The following MYO10 variants were observed in gnomAD, a reference collection of about 807,000 sequenced individuals.
MYO10 encodes the protein myosin X.
MYO10 carries 133 observed loss-of-function variants against 257.3 expected under a neutral mutation model. The observed-to-expected ratio is 0.52, with a 90% CI of 0.45 to 0.60. The LOEUF is 0.60. Ranked by LOEUF, MYO10 falls within the 20% of genes least tolerant of loss-of-function variation. MYO10 has a pLI of 0.00. For missense variants in MYO10, 2,399 were observed against 2,635.7 expected, an observed-to-expected ratio of 0.91 and a Z score of 1.97; for synonymous variants, 1,104 against 1,028.6, an observed-to-expected ratio of 1.07 and a Z score of -1.40.
In MYO10 at chr5:16,701,367, G is replaced by A; in HGVS notation, c.3028C>T (p.Pro1010Ser). Residue 1010 changes from proline (P) to serine (S), a missense_variant, in exon 25 of 41, where the codon CCC becomes TCC. Physicochemically the swap from Pro to Ser is moderately conservative, Grantham distance 74. This residue lies in a region of MYO10 where 1,820 missense variants were observed against 1,939.4 expected (regional missense o/e 0.94). Transcript: ENST00000513610. This position sits in a 1 kb window ranked among gnomAD's most constrained non-coding sequence, Gnocchi z 8.1. ...TGGTCTGAGTGGCCGTGCTCGCTGG[G>A]GTTGGGGGAGTCCTTGAAGGCGTCG... Reference protein sequence around the residue: ...DDDAFKDSPNPSEHGHSDQRT... With the variant: ...DDDAFKDSPNSSEHGHSDQRT... The A allele has an allele frequency of 6.2e-7, 1 of 1,614,004 alleles. No homozygotes were observed. Among genetic ancestry groups the A allele is most frequent in the South Asian group, 1.1e-5 (1 of 91,072 alleles).
rs1374016834 is a variant in MYO10, at chr5:16,880,286, C to T, written c.22-2579G>A. ...CTTTGTTTGATGAATGAATCTGGGG[C>T]GGGCCAACAGGAATCCCCAGAAGGA... On this transcript the variant is annotated intron_variant, in intron 1 of 40. Transcript: ENST00000513610. 2.0e-5 allele frequency among the ~76,000 whole-genome samples: 3 copies of T among 152,062 alleles called. No individual in the cohort carries two copies. The East Asian group carries it at 5.8e-4, about 29-fold the overall frequency.
chr5:16,697,306 GA>G (rs1261897764), intron 26 of MYO10, among the ~76,000 whole-genome samples: 1 of 150,964 alleles, frequency 6.6e-6, no homozygotes, highest in Non-Finnish European at 1.5e-5. Flanking sequence ...GAAGAAAACA[GA>G]AAAAAAATAT....
chr5:16,779,686 G>A (rs764648945), intron 8 of MYO10, 38 bp from the exon 9 acceptor site: 74 of 1,237,756 alleles, frequency 6.0e-5, no homozygotes, highest in Non-Finnish European at 8.4e-5. Context: ...CAGTTCTCCA[G>A]GACAAGATGA....
intron 2 of MYO10, among the ~76,000 whole-genome samples, chr5:16,850,399 T>G (rs1743766011): frequency 6.6e-6 from 1 of 152,000 alleles, no homozygotes; most frequent in South Asian, 2.1e-4. Context: ...TGCCTCAGCC[T>G]CCCGAGTACC....
intron 37 of MYO10, 145 bp from the exon 38 acceptor site, chr5:16,671,687 G>C (rs933123943): frequency 9.7e-7 from 1 of 1,028,424 alleles, no homozygotes; most frequent in East Asian, 2.6e-5. Flanking sequence ...TGGGGATAGA[G>C]GAATAAACAG....
chr5:16,935,246 C>G (rs1471564677), intron 1 of MYO10, among the ~76,000 whole-genome samples: 1 of 152,132 alleles, frequency 6.6e-6, no homozygotes, highest in South Asian at 2.1e-4. Context: ...TTATCCCAAG[C>G]CTTAAAAGAG....
chr5:16,855,169 T>A (rs1467160264), intron 2 of MYO10, among the ~76,000 whole-genome samples: 8 of 152,210 alleles, frequency 5.3e-5, no homozygotes, highest in Admixed American at 5.2e-4. Flanking sequence ...AAGTAACATC[T>A]GCAAACTATT....
chr5:16,688,405 G>C (rs1737343902), intron 28 of MYO10, among the ~76,000 whole-genome samples: 1 of 152,152 alleles, frequency 6.6e-6, no homozygotes, highest in Admixed American at 6.5e-5. Flanking sequence ...TCTTGGGGCT[G>C]AGAATTGAAG....
chr5:16,935,053 G>A (rs746574639), intron 1 of MYO10, among the ~76,000 whole-genome samples: 2 of 152,264 alleles, frequency 1.3e-5, no homozygotes, highest in East Asian at 1.9e-4. Flanking sequence ...CGATCCCAAA[G>A]GGGGAAAAAG....
At chr5:16,820,945 T>C (rs1742781433) in intron 2 of MYO10, among the ~76,000 whole-genome samples, 1 of 148,008 alleles carries the variant, frequency 6.8e-6, no homozygotes, top group Non-Finnish European at 1.5e-5. Context: ...ATATATTATA[T>C]ATTATACATC....
At chr5:16,826,721 G>T (rs1743012782) in intron 2 of MYO10, among the ~76,000 whole-genome samples, 1 of 152,160 alleles carries the variant, frequency 6.6e-6, no homozygotes, top group South Asian at 2.1e-4. Context: ...GAAGTTGGCT[G>T]GCCTCGTTTA....
chr5:16,666,477 G>A lies in MYO10; in HGVS notation c.*215C>T. ...TGTCCTCTAAGAGTAGTAAAGCTTTGGAAACTGTGCAGACTGTTAAAGTTG... is the reference window on the plus strand; with the variant it reads ...TGTCCTCTAAGAGTAGTAAAGCTTTAGAAACTGTGCAGACTGTTAAAGTTG... On this transcript the variant is annotated 3_prime_UTR_variant, in exon 41 of 41. Coordinates refer to ENST00000513610, the MANE Select transcript of MYO10 (RefSeq NM_012334.3). 1 of 479,362 alleles carries A rather than the reference G, an allele frequency of 2.1e-6. No individual in the cohort carries two copies. The highest frequency in any genetic ancestry group is 3.7e-6 in the Non-Finnish European group (1 of 271,590). The allele number at this position is 479,362 out of a possible 1,614,324, so 29.7% of individuals were successfully genotyped here.
In MYO10 at chr5:16,678,301, C is replaced by T. The variant is rs114287645; in HGVS notation, c.4542+1646G>A. Among the ~76,000 whole-genome samples, 358 of 152,246 alleles carry T rather than the reference C, an allele frequency of 2.4e-3. 2 individuals are homozygous for T. The highest frequency in any genetic ancestry group is 8.2e-3 in the African/African-American group (340 of 41,552). On this transcript the variant is annotated intron_variant, in intron 33 of 40. Transcript: ENST00000513610. ...TGGGCTGGGTGTGGTGGCTCAAGGC[C>T]AGTCCCAGTGGCTCATGCCTGTTAT...
chr5:16,779,870 G>A lies in MYO10; in HGVS notation c.827-222C>T, dbSNP rs137906403. 1.8e-3 allele frequency among the ~76,000 whole-genome samples: 268 copies of A among 152,264 alleles called. 1 individual carries two copies. The highest frequency in any genetic ancestry group is 0.014 in the Middle Eastern group (4 of 294). ...AAATGTTACTGAAAGAACAACTGATGAGGATCCTGTTTGTTTTCTCTTAAA... is the reference window on the plus strand; with the variant it reads ...AAATGTTACTGAAAGAACAACTGATAAGGATCCTGTTTGTTTTCTCTTAAA... On this transcript the variant is annotated intron_variant, in intron 8 of 40. Transcript: ENST00000513610.
chr5:16,680,572 C>A (rs540303266), intron 32 of MYO10, among the ~76,000 whole-genome samples: 1 of 152,160 alleles, frequency 6.6e-6, no homozygotes, highest in Non-Finnish European at 1.5e-5. Flanking sequence ...GTCACCCAAA[C>A]CTGACGCGAA....
chr5:16,895,796 ACACACACT>A (rs1745201044), intron 1 of MYO10, among the ~76,000 whole-genome samples: 1 of 124,448 alleles, frequency 8.0e-6, no homozygotes, highest in South Asian at 2.6e-4. Flanking sequence ...ACACACACAC[ACACACACT>A]CTGCCACCTG....
intron 2 of MYO10, among the ~76,000 whole-genome samples, chr5:16,841,664 T>G (rs1743485073): frequency 6.6e-6 from 1 of 152,226 alleles, no homozygotes; most frequent in Non-Finnish European, 1.5e-5. Context: ...CTTTGTGGTC[T>G]GAGACACTAA....
intron 19 of MYO10, among the ~76,000 whole-genome samples, chr5:16,725,541 T>C (rs1459817097): frequency 6.6e-6 from 1 of 152,164 alleles, no homozygotes; most frequent in Non-Finnish European, 1.5e-5. Context: ...AATCAGTCCA[T>C]GATGATAAAA....
At chr5:16,870,749 G>A (rs1428791491) in intron 2 of MYO10, among the ~76,000 whole-genome samples, 6 of 151,968 alleles carry the variant, frequency 3.9e-5, no homozygotes, top group Non-Finnish European at 5.9e-5. Flanking sequence ...AAAATTAGCC[G>A]GGCATGGTGG....
Sources: allele counts gnomAD v4.1 joint callset (sites outside exome capture counted in the v4.1 genomes callset), GRCh38; gene constraint gnomAD v4.1.1; regional missense constraint gnomAD v4.1.1; non-coding constraint Gnocchi (gnomAD v3.1); transcripts MANE v1.5; gene names NCBI Gene and HGNC (gene_info 2026-07-23, HGNC 2026-07-21).